The following TMLHE variants were observed in gnomAD, a reference collection of about 807,000 sequenced individuals.
The protein encoded by TMLHE is trimethyllysine hydroxylase, epsilon, also known as trimethyllysine dioxygenase, mitochondrial.
In TMLHE, 18 loss-of-function variants were observed where a neutral mutation model predicts 25.7. The observed-to-expected ratio is 0.70, with a 90% CI of 0.48 to 1.04. The LOEUF is 1.04. Ranked by LOEUF, TMLHE falls within the 50% of genes least tolerant of loss-of-function variation. The pLI, the probability that TMLHE is intolerant of heterozygous loss-of-function variation, is 0.00. For missense variants in TMLHE, 236 were observed against 259.0 expected, an observed-to-expected ratio of 0.91 and a Z score of 0.61; for synonymous variants, 105 against 97.0, an observed-to-expected ratio of 1.08 and a Z score of -0.49.
chrX:155,529,706 T>C, intron 2 of TMLHE, among the ~76,000 whole-genome samples: 1 of 112,450 alleles, frequency 8.9e-6, no homozygotes, highest in Admixed American at 9.4e-5. Flanking sequence ...ATATGTTTTG[T>C]TGCTATTGAG....
intron 4 of TMLHE, among the ~76,000 whole-genome samples, 180 bp downstream of exon 4, chrX:155,513,806 T>G (rs782041643): frequency 9.0e-6 from 1 of 111,513 alleles, no homozygotes; most frequent in Non-Finnish European, 1.9e-5. Flanking sequence ...CACATAAGTG[T>G]ATTTAGAGAT....
At chrX:155,573,004 C>T (rs2067565286) in intron 1 of TMLHE, among the ~76,000 whole-genome samples, 1 of 57,638 alleles carries the variant, frequency 1.7e-5, no homozygotes, top group South Asian at 9.7e-4. Context: ...AACTAAAGAG[C>T]TTCTGCACAG....
intron 2 of TMLHE, among the ~76,000 whole-genome samples, chrX:155,530,335 T>A (rs2067242362): frequency 9.0e-6 from 1 of 111,025 alleles, no homozygotes; most frequent in Non-Finnish European, 1.9e-5. Flanking sequence ...AAAATTTGCA[T>A]GATCTCATTT....
intron 1 of TMLHE, among the ~76,000 whole-genome samples, chrX:155,577,930 C>T (rs2067601430): frequency 9.0e-6 from 1 of 111,409 alleles, no homozygotes; most frequent in Non-Finnish European, 1.9e-5. Flanking sequence ...AGGTGCCTGC[C>T]TATGTTGCTC....
In TMLHE at chrX:155,511,438, T is replaced by A. The variant is rs782040006; in HGVS notation, c.758+235A>T. Among the ~76,000 whole-genome samples the A allele has an allele frequency of 6.4e-5, 7 of 109,438 alleles. No individual in the cohort carries two copies. The East Asian group carries it at 1.7e-3, about 27-fold the overall frequency. ...CAATTAAATCTCTCTTTTTTTTTTT[T>A]ATAAATTACCCAGTCTCAGGTATTT... On this transcript the variant is annotated intron_variant, in intron 5 of 7. Coordinates refer to ENST00000334398, the MANE Select transcript of TMLHE (RefSeq NM_018196.4).
chrX:155,540,136 A>G (rs1421447874), intron 2 of TMLHE, among the ~76,000 whole-genome samples: 1 of 110,163 alleles, frequency 9.1e-6, no homozygotes, highest in East Asian at 2.9e-4. Flanking sequence ...ATCTGAAGAA[A>G]TGATGGCTGA....
chrX:155,530,389 G>C (rs1311838841), intron 2 of TMLHE, among the ~76,000 whole-genome samples: 1 of 111,243 alleles, frequency 9.0e-6, no homozygotes, highest in East Asian at 2.8e-4. Context: ...TATACAGAGA[G>C]AATAAAACAG....
chrX:155,564,702 A>G (rs1224153565), intron 1 of TMLHE, among the ~76,000 whole-genome samples: 1 of 61,665 alleles, frequency 1.6e-5, no homozygotes, highest in Non-Finnish European at 4.5e-5. Context: ...TGTGGTGGGC[A>G]TCACAATGAC....
intron 1 of TMLHE, among the ~76,000 whole-genome samples, chrX:155,599,441 CAT>C (rs1177220040): frequency 2.7e-5 from 3 of 111,720 alleles, no homozygotes; most frequent in Non-Finnish European, 5.6e-5. Flanking sequence ...AGACATGAAT[CAT>C]GTTCAAGGTT....
At chrX:155,532,252 C>G (rs1010226642) in intron 2 of TMLHE, among the ~76,000 whole-genome samples, 1 of 111,921 alleles carries the variant, frequency 8.9e-6, no homozygotes. Context: ...AGAAAAAAAG[C>G]AGGCATCAGA....
rs147624962 is a variant in TMLHE, at chrX:155,515,474, A to G, written c.359-1209T>C. On this transcript the variant is annotated intron_variant, in intron 3 of 7. Transcript: ENST00000334398. ...TTTCTATAATTTAGAAATAGAATGT[A>G]TATTACATTTCTTAAAAGTTCGTAT... Among the ~76,000 whole-genome samples, 764 of 110,680 alleles carry G rather than the reference A, an allele frequency of 6.9e-3. 5 individuals are homozygous for G. Among genetic ancestry groups the G allele is most frequent in the African/African-American group, 0.024 (724 of 30,631 alleles).
intron 4 of TMLHE, among the ~76,000 whole-genome samples, chrX:155,512,307 TC>T (rs1399249131): frequency 9.8e-6 from 1 of 102,394 alleles, no homozygotes; most frequent in Non-Finnish European, 2.0e-5. Context: ...CCCAATGCTA[TC>T]CCTCCCCCCT....
intron 1 of TMLHE, among the ~76,000 whole-genome samples, chrX:155,548,236 T>TG (rs782430148): frequency 2.2e-4 from 25 of 111,232 alleles, no homozygotes; most frequent in Non-Finnish European, 4.3e-4. Flanking sequence ...TAAGCAAAAA[T>TG]GGACAAATGG....
chrX:155,569,583 G>C (rs1213730975), intron 1 of TMLHE, among the ~76,000 whole-genome samples: 1 of 56,291 alleles, frequency 1.8e-5, no homozygotes, highest in African/African-American at 4.3e-5. Context: ...GGCAGCCAGA[G>C]AGAAAGGTTG....
chrX:155,576,396 G>T (rs1232376574), intron 1 of TMLHE, among the ~76,000 whole-genome samples: 3 of 111,746 alleles, frequency 2.7e-5, no homozygotes, highest in Non-Finnish European at 5.6e-5. Flanking sequence ...CATGTTCATG[G>T]ATAAGAAGAG....
chrX:155,603,939 G>A (rs1260621337), intron 1 of TMLHE, among the ~76,000 whole-genome samples: 2 of 112,231 alleles, frequency 1.8e-5, no homozygotes, highest in African/African-American at 3.2e-5. Flanking sequence ...ATAAAGAACC[G>A]AGAGCCCCTC....
chrX:155,554,456 T>C (rs1423885753), intron 1 of TMLHE, among the ~76,000 whole-genome samples: 1 of 111,199 alleles, frequency 9.0e-6, no homozygotes, highest in Non-Finnish European at 1.9e-5. Context: ...GAAAATGTAG[T>C]TCTATCGTCT....
intron 2 of TMLHE, among the ~76,000 whole-genome samples, chrX:155,538,249 T>C (rs1179082324): frequency 5.4e-5 from 6 of 111,750 alleles, no homozygotes; most frequent in Non-Finnish European, 1.1e-4. Flanking sequence ...CCTGGCTTAT[T>C]TCCTTTAACA....
intron 1 of TMLHE, among the ~76,000 whole-genome samples, chrX:155,559,502 C>A (rs1313101389): frequency 1.8e-5 from 2 of 111,484 alleles, no homozygotes; most frequent in Non-Finnish European, 3.8e-5. Flanking sequence ...GCTTCCCAAC[C>A]TTTAGAGTCT....
Sources: gnomAD v4.1 joint callset for allele counts (sites outside exome capture counted in the v4.1 genomes callset) on GRCh38, gnomAD v4.1.1 for gene constraint, MANE v1.5 for transcripts, NCBI Gene and HGNC (gene_info 2026-07-23, HGNC 2026-07-21) for gene names.